RASAL2: variants seen among roughly 807,000 people sequenced by gnomAD.
RASAL2 encodes RAS protein activator like 2, also known as ras GTPase-activating protein nGAP.
A neutral mutation model predicts 128.9 loss-of-function variants in RASAL2; 58 were observed. The observed-to-expected ratio is 0.45, with a 90% CI of 0.36 to 0.56. The LOEUF (loss-of-function observed/expected upper bound fraction) is 0.56. Among genes scored for constraint, RASAL2 ranks in the 20% least tolerant of loss-of-function variants. The pLI is 0.00. For missense variants in RASAL2, 1,360 were observed against 1,601.6 expected (o/e 0.85, Z 2.57); for synonymous variants, 561 against 580.8 (o/e 0.97, Z 0.49).
chr1:178,120,226 C>G (rs558035763), intron 1 of RASAL2, among the ~76,000 whole-genome samples: 1 of 152,128 alleles, frequency 6.6e-6, no homozygotes, highest in Non-Finnish European at 1.5e-5. Context: ...ATGTGAATCA[C>G]CTGTTGCAAT....
At chr1:178,323,972 G>A (rs549953430) in intron 3 of RASAL2, among the ~76,000 whole-genome samples, 1 of 152,308 alleles carries the variant, frequency 6.6e-6, no homozygotes, top group African/African-American at 2.4e-5. Context: ...CATTCTGTCT[G>A]GAAGGATACC....
chr1:178,334,493 C>G (rs1240719862), intron 3 of RASAL2, among the ~76,000 whole-genome samples: 2 of 151,720 alleles, frequency 1.3e-5, no homozygotes, highest in Non-Finnish European at 2.9e-5. Context: ...CATGCGCCAC[C>G]ACGCCTTGCT....
chr1:178,459,041 G>C (rs1017530812), intron 14 of RASAL2, among the ~76,000 whole-genome samples: 2 of 152,008 alleles, frequency 1.3e-5, no homozygotes, highest in African/African-American at 4.8e-5. Flanking sequence ...CCTGGAAATA[G>C]CTAGAAAAAT....
chr1:178,178,149 T>C (rs1208499834), intron 1 of RASAL2, among the ~76,000 whole-genome samples: 2 of 152,048 alleles, frequency 1.3e-5, no homozygotes, highest in African/African-American at 4.8e-5. Flanking sequence ...AAGATCACCA[T>C]AAAAAAATTC....
intron 3 of RASAL2, among the ~76,000 whole-genome samples, chr1:178,375,769 A>ATGG (rs1335334198): frequency 2.0e-5 from 3 of 152,180 alleles, no homozygotes; most frequent in Admixed American, 1.3e-4. Flanking sequence ...ACTTGGAAGA[A>ATGG]TGGTGGTACT....
chr1:178,281,013 CTAT>C (rs1455310654), intron 1 of RASAL2, among the ~76,000 whole-genome samples: 1 of 151,884 alleles, frequency 6.6e-6, no homozygotes, highest in Non-Finnish European at 1.5e-5. Context: ...ATAACATAAC[CTAT>C]ATAAGTTAAA....
intron 1 of RASAL2, among the ~76,000 whole-genome samples, chr1:178,180,487 A>C (rs1341925741): frequency 4.4e-4 from 1 of 2,260 alleles, no homozygotes; most frequent in East Asian, 0.12. Context: ...ATCTCTACCA[A>C]AAAAAAAAAA....
At chr1:178,389,676 G>T (rs533806572) in intron 3 of RASAL2, among the ~76,000 whole-genome samples, 6 of 152,084 alleles carry the variant, frequency 3.9e-5, no homozygotes, top group Non-Finnish European at 8.8e-5. Context: ...TTTGACCTTT[G>T]TGCAAACACC....
At chr1:178,165,122 T>C (rs1165252053) in intron 1 of RASAL2, among the ~76,000 whole-genome samples, 3 of 152,074 alleles carry the variant, frequency 2.0e-5, no homozygotes, top group Non-Finnish European at 4.4e-5. Context: ...TGGATTTTAT[T>C]ATCTGAGAGA....
chr1:178,393,112 C>T (rs1011345384), intron 4 of RASAL2, among the ~76,000 whole-genome samples: 1 of 152,072 alleles, frequency 6.6e-6, no homozygotes, highest in African/African-American at 2.4e-5. Flanking sequence ...AAGTAGTGGT[C>T]CCCAACCTTT....
intron 1 of RASAL2, among the ~76,000 whole-genome samples, chr1:178,262,562 T>G (rs1665747631): frequency 6.6e-6 from 1 of 152,198 alleles, no homozygotes. Context: ...CCATCAAATT[T>G]GTCATTGTTT....
intron 2 of RASAL2, among the ~76,000 whole-genome samples, chr1:178,285,292 T>G (rs1418597833): frequency 6.6e-6 from 1 of 150,438 alleles, no homozygotes; most frequent in African/African-American, 2.4e-5. Context: ...GGCTAATTTT[T>G]TGTATTTTTA....
chr1:178,238,128 C>G (rs539169810), intron 1 of RASAL2, among the ~76,000 whole-genome samples: 1 of 152,326 alleles, frequency 6.6e-6, no homozygotes, highest in East Asian at 1.9e-4. Flanking sequence ...CAGTAATATA[C>G]TGTCTCTATA....
At chr1:178,146,357 C>G (rs1381898437) in intron 1 of RASAL2, among the ~76,000 whole-genome samples, 5 of 152,332 alleles carry the variant, frequency 3.3e-5, no homozygotes, top group Middle Eastern at 6.8e-3. Flanking sequence ...GTAGGCGAAG[C>G]CTTGCAGGCT....
chr1:178,375,139 A>G (rs1465243342), intron 3 of RASAL2, among the ~76,000 whole-genome samples: 1 of 152,188 alleles, frequency 6.6e-6, no homozygotes, highest in Non-Finnish European at 1.5e-5. Context: ...TTACAGAGAT[A>G]GGGTTTAATC....
chr1:178,414,594 C>T (rs925384098), intron 4 of RASAL2, among the ~76,000 whole-genome samples: 1 of 152,110 alleles, frequency 6.6e-6, no homozygotes, highest in African/African-American at 2.4e-5. Flanking sequence ...ATCTTCTACT[C>T]AGTTTTGCTG....
At chr1:178,197,517 G>GAGA (rs1662700710) in intron 1 of RASAL2, among the ~76,000 whole-genome samples, 2 of 151,642 alleles carry the variant, frequency 1.3e-5, no homozygotes, top group Non-Finnish European at 2.9e-5. Context: ...GCTGAGGCAG[G>GAGA]AGAATTGCTT....
Position 178,441,632 on chromosome 1 carries a change from A to C in RASAL2, c.912A>C (p.Thr304=). The change falls in exon 7 of 18, where the codon ACA becomes ACC. Residue 304 remains threonine, a synonymous_variant. Transcript: ENST00000367649. ...RDKWMENLRR[T]VQPNKDNCRR... Reference sequence around the variant, plus strand: ...AGTGGATGGAAAACCTTCGCAGGACAGTTCAACCTAATAAGGTAATAGTAG... The same window carrying C: ...AGTGGATGGAAAACCTTCGCAGGACCGTTCAACCTAATAAGGTAATAGTAG... 6.2e-7 allele frequency: 1 copy of C among 1,611,426 alleles called. No homozygotes were observed. Among genetic ancestry groups the C allele is most frequent in the Non-Finnish European group, 8.5e-7 (1 of 1,178,096 alleles).
chr1:178,122,025 C>G (rs1160940868), intron 1 of RASAL2, among the ~76,000 whole-genome samples: 1 of 151,908 alleles, frequency 6.6e-6, no homozygotes, highest in Non-Finnish European at 1.5e-5. Context: ...CAGCCTGGCT[C>G]TAGGACCAAG....
Sources: allele counts gnomAD v4.1 joint callset (sites outside exome capture counted in the v4.1 genomes callset), GRCh38; gene constraint gnomAD v4.1.1; transcripts MANE v1.5; gene names NCBI Gene and HGNC (gene_info 2026-07-23, HGNC 2026-07-21).